Variants in ETV6 observed in about 807,000 individuals in gnomAD.
ETV6 encodes transcription factor ETV6.
Under a neutral mutation model 51.1 loss-of-function variants are expected in ETV6, and 16 were observed. The observed-to-expected ratio is 0.31, with a 90% CI of 0.21 to 0.48. The LOEUF is 0.48. Among genes scored for constraint, ETV6 ranks in the 20% least tolerant of loss-of-function variants. The pLI is 0.99. For synonymous variants in ETV6, 240 were observed against 224.1 expected, an observed-to-expected ratio of 1.07 and a Z score of -0.64; for missense variants, 458 against 594.8, an observed-to-expected ratio of 0.77 and a Z score of 2.39.
chr12:11,713,722 T>G (rs953864644), intron 1 of ETV6, among the ~76,000 whole-genome samples: 2 of 152,232 alleles, frequency 1.3e-5, no homozygotes, highest in African/African-American at 4.8e-5. Flanking sequence ...AGTCTTTATC[T>G]GGAATATATA....
At chr12:11,842,518 T>G (rs1298388932) in intron 3 of ETV6, among the ~76,000 whole-genome samples, 2 of 152,152 alleles carry the variant, frequency 1.3e-5, no homozygotes, top group East Asian at 3.8e-4. Context: ...GGGCAGTGAT[T>G]GTGTTCTATT....
At chr12:11,677,584 G>C (rs2724625) in intron 1 of ETV6, among the ~76,000 whole-genome samples, 9,652 of 152,282 alleles carry the variant, frequency 0.063, 455 homozygotes, top group African/African-American at 0.13. Context: ...AGTCCAGTGA[G>C]TTGGATTGAT....
intron 2 of ETV6, among the ~76,000 whole-genome samples, chr12:11,821,084 T>C (rs1328827816): frequency 2.0e-5 from 3 of 151,948 alleles, no homozygotes; most frequent in South Asian, 2.1e-4. Context: ...AACAAGGGGC[T>C]GGGCACGGTG....
At chr12:11,670,590 C>T (rs1864294213) in intron 1 of ETV6, among the ~76,000 whole-genome samples, 1 of 152,224 alleles carries the variant, frequency 6.6e-6, no homozygotes, top group South Asian at 2.1e-4. Flanking sequence ...TGAGGAAATT[C>T]TGCTGGAGTC....
At chr12:11,788,465 GA>G (rs911181211) in intron 2 of ETV6, among the ~76,000 whole-genome samples, 7 of 152,168 alleles carry the variant, frequency 4.6e-5, no homozygotes, top group Non-Finnish European at 1.0e-4. Context: ...GAATAGAAAG[GA>G]AACCTAGCAT....
chr12:11,885,958 C>G lies in ETV6; in HGVS notation c.1185C>G (p.Ser395=). The change falls in exon 7 of 8, where the codon TCC becomes TCG. Residue 395 remains serine, a synonymous_variant. Transcript: ENST00000396373. ...CAAACATGACCTATGAGAAAATGTC[C>G]AGAGCCCTGCGCCACTACTACAAAC... ...NRTNMTYEKM[S]RALRHYYKLN... The G allele has an allele frequency of 6.2e-7, 1 of 1,613,976 alleles. No homozygotes were observed. Among genetic ancestry groups the G allele is most frequent in the South Asian group, 1.1e-5 (1 of 91,074 alleles).
chr12:11,803,187 A>C (rs1945776458), intron 2 of ETV6, among the ~76,000 whole-genome samples: 1 of 152,208 alleles, frequency 6.6e-6, no homozygotes, highest in Non-Finnish European at 1.5e-5. Flanking sequence ...GTAAATAATC[A>C]TTTCAGCATC....
chr12:11,883,276 C>CTTCTTTTTTTTTTTTTTTTTTTTTTTTT (rs776231778), intron 5 of ETV6, among the ~76,000 whole-genome samples: 1 of 79,116 alleles, frequency 1.3e-5, no homozygotes, highest in African/African-American at 7.4e-5. Flanking sequence ...ATGTCTTCTT[C>CTTCTTTTTTTTTTTTTTTTTTTTTTTTT]TTTTTTTTTT....
At position 11,884,467 on chromosome 12, in the gene ETV6, C is replaced by T. The variant is rs372141414; in HGVS notation, c.1032C>T (p.Tyr344=). ...TAGACTGTAGACTGCTTTGGGATTACGTCTATCAGTTGCTTTCTGACAGCC... is the reference window on the plus strand; with the variant it reads ...TAGACTGTAGACTGCTTTGGGATTATGTCTATCAGTTGCTTTCTGACAGCC... ...RIADCRLLWD[Y]VYQLLSDSRY... The change falls in exon 6 of 8, where the codon TAC becomes TAT. Residue 344 remains tyrosine (Y), a synonymous_variant. Coordinates refer to ENST00000396373, the MANE Select transcript of ETV6 (RefSeq NM_001987.5). 43 of 1,614,076 alleles carry T rather than the reference C, an allele frequency of 2.7e-5. No individual in the cohort carries two copies. The highest frequency in any genetic ancestry group is 1.3e-4 in the Admixed American group (8 of 60,002).
chr12:11,832,846 T>A (rs1034662438), intron 2 of ETV6, among the ~76,000 whole-genome samples: 1 of 152,218 alleles, frequency 6.6e-6, no homozygotes. Flanking sequence ...AGTCAATAAC[T>A]TGATCAGTAT....
Position 11,869,699 on chromosome 12 carries a change from G to C in ETV6, c.739G>C (p.Ala247Pro), listed in dbSNP as rs1471394547. The C allele has an allele frequency of 1.9e-6, 3 of 1,614,074 alleles. No homozygotes were observed. The highest frequency in any genetic ancestry group is 2.5e-6 in the Non-Finnish European group (3 of 1,180,010). Residue 247 changes from alanine (A) to proline (P), a missense_variant, in exon 5 of 8, where the codon GCG becomes CCG. Ala to Pro is a conservative substitution (Grantham distance 27, BLOSUM62 -1). This residue lies in a region of ETV6 where 293 missense variants were observed against 315.7 expected (regional missense o/e 0.93). Transcript: ENST00000396373. This position sits in a 1 kb window ranked among gnomAD's most constrained non-coding sequence, Gnocchi z 5.0. ...TCCCATGGAGAATAATCACTGCCCA[G>C]CGTCCTCCGAGTCCCACCCGAAGCC... ...VSPMENNHCP[A>P]SSESHPKPSS... is the part of the protein sequence containing the mutation.
At chr12:11,707,008 C>T (rs1865084469) in intron 1 of ETV6, among the ~76,000 whole-genome samples, 1 of 152,136 alleles carries the variant, frequency 6.6e-6, no homozygotes, top group Admixed American at 6.6e-5. Flanking sequence ...CTATTGTTCC[C>T]AGGGGGTGGT....
chr12:11,812,766 A>G (rs1421614848), intron 2 of ETV6, among the ~76,000 whole-genome samples: 2 of 152,174 alleles, frequency 1.3e-5, no homozygotes, highest in Admixed American at 1.3e-4. Context: ...TCCTGCGTGA[A>G]GGCCTAAGAT....
intron 1 of ETV6, among the ~76,000 whole-genome samples, chr12:11,741,923 A>G (rs891497474): frequency 6.6e-6 from 1 of 152,248 alleles, no homozygotes; most frequent in Non-Finnish European, 1.5e-5. Context: ...CCTGGCTCCC[A>G]TCCCTGGAGA....
chr12:11,888,846 A>G (rs571713418), intron 7 of ETV6, among the ~76,000 whole-genome samples: 2 of 152,282 alleles, frequency 1.3e-5, no homozygotes, highest in East Asian at 1.9e-4. Flanking sequence ...GAGCGACTAC[A>G]GGATTTATAT....
At chr12:11,692,671 G>A (rs1864790210) in intron 1 of ETV6, among the ~76,000 whole-genome samples, 1 of 152,172 alleles carries the variant, frequency 6.6e-6, no homozygotes, top group African/African-American at 2.4e-5. Flanking sequence ...CAGGAACTAG[G>A]CAGGCATTGT....
At chr12:11,703,386 A>C (rs148919762) in intron 1 of ETV6, among the ~76,000 whole-genome samples, 1 of 152,324 alleles carries the variant, frequency 6.6e-6, no homozygotes, top group Non-Finnish European at 1.5e-5. Flanking sequence ...GTGTGATAAA[A>C]ATAATTTAAG....
At chr12:11,760,872 A>T (rs933759388) in intron 2 of ETV6, among the ~76,000 whole-genome samples, 4 of 90,332 alleles carry the variant, frequency 4.4e-5, no homozygotes, top group Non-Finnish European at 9.9e-5. Context: ...TACTATTATT[A>T]TATATATGTG....
At chr12:11,763,213 G>A (rs1158200096) in intron 2 of ETV6, among the ~76,000 whole-genome samples, 2 of 152,194 alleles carry the variant, frequency 1.3e-5, no homozygotes, top group Admixed American at 6.5e-5. Flanking sequence ...CCTATGAGGT[G>A]GTAGTGAAGC....
Sources: allele counts gnomAD v4.1 joint callset (sites outside exome capture counted in the v4.1 genomes callset), GRCh38; gene constraint gnomAD v4.1.1; regional missense constraint gnomAD v4.1.1; non-coding constraint Gnocchi (gnomAD v3.1); transcripts MANE v1.5; gene names NCBI Gene and HGNC (gene_info 2026-07-23, HGNC 2026-07-21).